Variants in MPRIP observed in about 807,000 individuals in gnomAD.
MPRIP encodes the protein myosin phosphatase Rho interacting protein.
A neutral mutation model predicts 234.9 loss-of-function variants in MPRIP; 59 were observed. That is an observed-to-expected ratio of 0.25 (90% confidence interval 0.20 to 0.31). MPRIP has a LOEUF of 0.31. MPRIP is among the 10% of genes least tolerant of loss of function. MPRIP has a pLI of 1.00. For missense variants in MPRIP, 2,436 were observed against 3,071.0 expected (o/e 0.79, Z 4.89); for synonymous variants, 1,144 against 1,263.9 (o/e 0.91, Z 2.01).
At chr17:17,049,520 G>A (rs2088464795) in intron 1 of MPRIP, among the ~76,000 whole-genome samples, 1 of 152,128 alleles carries the variant, frequency 6.6e-6, no homozygotes, top group African/African-American at 2.4e-5. Context: ...CCAAGGCTTG[G>A]CAATTTTTTT....
intron 3 of MPRIP, among the ~76,000 whole-genome samples, chr17:17,119,057 C>G (rs2090338749): frequency 2.0e-5 from 3 of 152,186 alleles, no homozygotes; most frequent in Admixed American, 6.5e-5. Flanking sequence ...CCCCATGAGC[C>G]CTGCTCCTGT....
At chr17:17,100,690 T>C (rs1255974161) in intron 3 of MPRIP, among the ~76,000 whole-genome samples, 1 of 151,852 alleles carries the variant, frequency 6.6e-6, no homozygotes, top group Non-Finnish European at 1.5e-5. Flanking sequence ...TGTTACTGTC[T>C]CCCATCACCC....
In MPRIP at chr17:17,165,986, T is replaced by TG; in HGVS notation, c.4399dup (p.Asp1467GlyfsTer7). On this transcript the variant is annotated frameshift_variant, in exon 16 of 24. Coordinates refer to ENST00000651222, the MANE Select transcript of MPRIP (RefSeq NM_001364716.4). LOFTEE classifies it high-confidence loss of function. ...GGGTTGAAGGGCATGTTGGAGAGCT[T>TG]GGGGACTTCCAGGTCAAGAATAGTC... 1 of 1,304,196 alleles carries TG rather than the reference T, an allele frequency of 7.7e-7. No individual in the cohort carries two copies. The highest frequency in any genetic ancestry group is 1.0e-6 in the Non-Finnish European group (1 of 988,918). 80.8% of individuals were successfully genotyped at this position (1,304,196 alleles called of 1,614,324 possible). A position where few individuals can be genotyped will look rare whatever the true frequency, so the allele number is the denominator to read the frequency against.
Position 17,186,401 on chromosome 17 carries a change from A to C in MPRIP, c.*1507A>C, listed in dbSNP as rs2144736773. Reference sequence around the variant, plus strand: ...GCCTGGAGTTTTCATGTGTTTTCAGACCCAGGTTTAGGTGCTCTCTTCTCA... The same window carrying C: ...GCCTGGAGTTTTCATGTGTTTTCAGCCCCAGGTTTAGGTGCTCTCTTCTCA... On this transcript the variant is annotated 3_prime_UTR_variant, in exon 24 of 24. Coordinates refer to ENST00000651222, the MANE Select transcript of MPRIP (RefSeq NM_001364716.4). 6.6e-6 allele frequency: 1 copy of C among 152,116 alleles called. No individual in the cohort carries two copies. Among genetic ancestry groups the C allele is most frequent in the Admixed American group, 6.5e-5 (1 of 15,274 alleles). 9.4% of individuals were successfully genotyped at this position (152,116 alleles called of 1,614,324 possible).
chr17:17,087,265 G>A (rs2089612193), intron 3 of MPRIP, among the ~76,000 whole-genome samples: 1 of 152,190 alleles, frequency 6.6e-6, no homozygotes, highest in Non-Finnish European at 1.5e-5. Context: ...CACAGATGTG[G>A]ACAAGCAGCC....
chr17:17,100,741 C>T (rs1054510418), intron 3 of MPRIP, among the ~76,000 whole-genome samples: 2 of 151,948 alleles, frequency 1.3e-5, no homozygotes, highest in Non-Finnish European at 2.9e-5. Flanking sequence ...AAGCTCAGGG[C>T]TCCCACTGAT....
At chr17:17,159,033 C>T in intron 14 of MPRIP, 31 bp downstream of exon 14, 1 of 1,576,170 alleles carries the variant, frequency 6.3e-7, no homozygotes, top group East Asian at 2.3e-5. Context: ...CCCCACCCTG[C>T]TCCCAGCAGC....
rs116121173 is a variant in MPRIP, at chr17:17,114,631, A to G, written c.268-12071A>G. 4.4e-3 allele frequency among the ~76,000 whole-genome samples: 666 copies of G among 152,272 alleles called. 5 individuals carry two copies. Among genetic ancestry groups the G allele is most frequent in the African/African-American group, 0.015 (637 of 41,568 alleles). ...GGTTGGTGGATCCTGCTAGCTGACC[A>G]TTGTGGTGGGTGAGGGGGATGAAAA... On this transcript the variant is annotated intron_variant, in intron 3 of 23. Coordinates refer to ENST00000651222, the MANE Select transcript of MPRIP (RefSeq NM_001364716.4).
chr17:17,173,569 G>A (rs1237521589), intron 18 of MPRIP, among the ~76,000 whole-genome samples: 2 of 152,252 alleles, frequency 1.3e-5, no homozygotes, highest in Non-Finnish European at 2.9e-5. Context: ...GGTCCTGGCT[G>A]TCAGACACAG....
chr17:17,132,981 A>C (rs1308963573), intron 5 of MPRIP, among the ~76,000 whole-genome samples: 3 of 152,214 alleles, frequency 2.0e-5, no homozygotes, highest in African/African-American at 7.2e-5. Flanking sequence ...GATGCCTTGG[A>C]AACAGTGCAG....
At chr17:17,177,545 G>A (rs1597519147) in intron 22 of MPRIP, 133 bp downstream of exon 22, 5 of 985,012 alleles carry the variant, frequency 5.1e-6, no homozygotes, top group Middle Eastern at 3.2e-4. Flanking sequence ...TCCCAGTGGA[G>A]CAGGAGCACC....
intron 12 of MPRIP, 73 bp downstream of exon 12, chr17:17,150,306 G>A (rs2045573148): frequency 1.7e-6 from 2 of 1,169,110 alleles, no homozygotes; most frequent in Admixed American, 1.7e-5. Context: ...TAATGTCTGG[G>A]CTGGGGGCAC....
At chr17:17,081,119 C>T (rs1210544380) in intron 3 of MPRIP, among the ~76,000 whole-genome samples, 1 of 152,226 alleles carries the variant, frequency 6.6e-6, no homozygotes, top group East Asian at 1.9e-4. Flanking sequence ...TAAACTATAG[C>T]ATTTTATGGC....
chr17:17,120,388 G>A (rs73279610), intron 3 of MPRIP, among the ~76,000 whole-genome samples: 1,786 of 152,238 alleles, frequency 0.012, 41 homozygotes, highest in African/African-American at 0.041. Context: ...CCTAACCCAG[G>A]AAGGTCACTC....
intron 1 of MPRIP, among the ~76,000 whole-genome samples, chr17:17,061,616 A>G (rs2143931010): frequency 6.6e-6 from 1 of 152,348 alleles, no homozygotes; most frequent in Middle Eastern, 3.4e-3. Flanking sequence ...GAATCTGCCC[A>G]GAGTTGGGGC....
intron 3 of MPRIP, among the ~76,000 whole-genome samples, chr17:17,117,409 T>C (rs2090307645): frequency 6.6e-6 from 1 of 152,240 alleles, no homozygotes; most frequent in African/African-American, 2.4e-5. Context: ...CTCTGCTTTT[T>C]CTCTATGGGT....
intron 1 of MPRIP, among the ~76,000 whole-genome samples, chr17:17,053,395 A>G (rs746896856): frequency 3.3e-5 from 5 of 152,152 alleles, no homozygotes; most frequent in Non-Finnish European, 5.9e-5. Context: ...CAAAGTCCTC[A>G]GCAACCGCAG....
intron 12 of MPRIP, 58 bp downstream of exon 12, chr17:17,150,291 G>A (rs2045572734): frequency 1.5e-6 from 2 of 1,326,430 alleles, no homozygotes; most frequent in Admixed American, 3.4e-5. Context: ...GCATGTCAGA[G>A]TGCCTAATGT....
intron 3 of MPRIP, among the ~76,000 whole-genome samples, chr17:17,099,791 A>G (rs993394311): frequency 7.9e-5 from 12 of 152,246 alleles, no homozygotes; most frequent in South Asian, 2.1e-4. Flanking sequence ...TCAAGTCAAG[A>G]GGAGTGGTCA....
Sources: gnomAD v4.1 joint callset for allele counts (sites outside exome capture counted in the v4.1 genomes callset) on GRCh38, gnomAD v4.1.1 for gene constraint, MANE v1.5 for transcripts, NCBI Gene and HGNC (gene_info 2026-07-23, HGNC 2026-07-21) for gene names.